The following MRC1 variants were observed in gnomAD, a reference collection of about 807,000 sequenced individuals.
The protein encoded by MRC1 is macrophage mannose receptor 1.
A neutral mutation model predicts 102.9 loss-of-function variants in MRC1; 62 were observed. The observed-to-expected ratio is 0.60, with a 90% CI of 0.49 to 0.74. MRC1 has a LOEUF of 0.74. Among genes scored for constraint, MRC1 ranks in the 30% least tolerant of loss-of-function variants. MRC1 has a pLI of 0.00. For missense variants in MRC1, 1,237 were observed against 862.8 expected (o/e 1.43, Z -5.43); for synonymous variants, 457 against 298.4 (o/e 1.53, Z -5.48).
intron 12 of MRC1, among the ~76,000 whole-genome samples, chr10:17,867,705 A>G (rs1752233150): frequency 6.6e-6 from 1 of 152,184 alleles, no homozygotes; most frequent in Non-Finnish European, 1.5e-5. Flanking sequence ...TATAGGCATG[A>G]GCCAGTGCAC....
chr10:17,894,540 C>T (rs1391165660), intron 23 of MRC1, among the ~76,000 whole-genome samples: 1 of 151,544 alleles, frequency 6.6e-6, no homozygotes, highest in Non-Finnish European at 1.5e-5. Context: ...GCTGGGATTA[C>T]AGGCACACAC....
intron 12 of MRC1, among the ~76,000 whole-genome samples, chr10:17,867,353 C>A: frequency 8.7e-6 from 1 of 114,388 alleles, no homozygotes; most frequent in South Asian, 3.0e-4. Context: ...TCCTCTTCTT[C>A]TTCTCCTTCT....
chr10:17,827,753 T>A, intron 3 of MRC1, 38 bp downstream of exon 3: 1 of 780,308 alleles, frequency 1.3e-6, no homozygotes, highest in South Asian at 1.3e-5. Flanking sequence ...TTGGGCACAT[T>A]TAGTCTGATA....
At chr10:17,832,745 G>A (rs994387712) in intron 3 of MRC1, among the ~76,000 whole-genome samples, 2 of 150,596 alleles carry the variant, frequency 1.3e-5, no homozygotes, top group African/African-American at 4.9e-5. Flanking sequence ...CCGCCACCAC[G>A]CCCGGCTAAT....
chr10:17,848,137 A>AT (rs1436416248), intron 6 of MRC1, among the ~76,000 whole-genome samples: 6 of 152,202 alleles, frequency 3.9e-5, no homozygotes, highest in African/African-American at 1.4e-4. Context: ...CGACCAATTC[A>AT]TCAAAGGAAT....
intron 1 of MRC1, among the ~76,000 whole-genome samples, chr10:17,814,495 C>T (rs1838275445): frequency 6.6e-6 from 1 of 151,840 alleles, no homozygotes; most frequent in Non-Finnish European, 1.5e-5. Context: ...CATTATTGTC[C>T]CCATTTTACA....
chr10:17,819,395 G>A (rs1022631403), intron 1 of MRC1, among the ~76,000 whole-genome samples: 2 of 151,970 alleles, frequency 1.3e-5, no homozygotes, highest in Non-Finnish European at 2.9e-5. Context: ...CTGGGATGGT[G>A]TAAATGGAGT....
intron 13 of MRC1, 33 bp downstream of exon 13, chr10:17,870,406 G>C (rs1833337892): frequency 5.1e-6 from 4 of 779,854 alleles, no homozygotes; most frequent in Non-Finnish European, 9.6e-6. Flanking sequence ...CCTCCTTTTT[G>C]TTATCTAGTT....
intron 8 of MRC1, among the ~76,000 whole-genome samples, chr10:17,855,949 G>C (rs970544427): frequency 0.04 from 6,082 of 151,856 alleles, 377 homozygotes; most frequent in African/African-American, 0.13. Flanking sequence ...TGGGTGGATC[G>C]CCTGAGGTCA....
intron 1 of MRC1, among the ~76,000 whole-genome samples, chr10:17,817,286 A>G (rs1838328322): frequency 1.3e-5 from 2 of 150,636 alleles, no homozygotes; most frequent in African/African-American, 2.4e-5. Context: ...ATCCACACCT[A>G]TGTTACTGGA....
At chr10:17,883,470 G>GTT (rs1214384820) in intron 21 of MRC1, among the ~76,000 whole-genome samples, 4 of 141,318 alleles carry the variant, frequency 2.8e-5, no homozygotes, top group Non-Finnish European at 3.1e-5. Flanking sequence ...CGGTGGAAGA[G>GTT]TTTTTTTTTT....
chr10:17,908,576 G>A (rs1589198433), intron 28 of MRC1, among the ~76,000 whole-genome samples: 2 of 151,770 alleles, frequency 1.3e-5, no homozygotes, highest in South Asian at 4.2e-4. Context: ...TTTTTGTTTT[G>A]TTTTTGTTTT....
chr10:17,818,145 A>G (rs1838340495), intron 1 of MRC1, among the ~76,000 whole-genome samples: 1 of 152,230 alleles, frequency 6.6e-6, no homozygotes. Context: ...AAGTATACAC[A>G]TTTCTAAATT....
Position 17,846,821 on chromosome 10 carries a change from C to T in MRC1, c.1063+1386C>T, listed in dbSNP as rs1589175536. On this transcript the variant is annotated intron_variant, in intron 6 of 29. Transcript: ENST00000569591. ...GAGACAGCACATATATTTTTTTGAC[C>T]GATCTCCTGTGTAATGGATTTTTAA... 7.9e-5 allele frequency among the ~76,000 whole-genome samples: 12 copies of T among 152,142 alleles called. 2 individuals are homozygous for T. The highest frequency in any genetic ancestry group is 4.4e-5 in the Non-Finnish European group (3 of 67,994).
chr10:17,903,188 C>T (rs1833851695), intron 26 of MRC1, among the ~76,000 whole-genome samples: 1 of 151,776 alleles, frequency 6.6e-6, no homozygotes, highest in African/African-American at 2.4e-5. Context: ...TTCACTCTGC[C>T]AGTCTATGTT....
In MRC1 at chr10:17,852,989, C is replaced by T. The variant is rs782384247; in HGVS notation, c.1272C>T (p.Ile424=). ...TAGAGCCAAATGACGAATTGTGGAT[C>T]GGCTTAAATGACATTAAGATTCAAA... The part of the protein sequence containing the change: ...LGYEPNDELW[I]GLNDIKIQMY... Residue 424 remains isoleucine (I), a synonymous_variant, in exon 8 of 30, where the codon ATC becomes ATT. Coordinates refer to ENST00000569591, the MANE Select transcript of MRC1 (RefSeq NM_002438.4). 7.0e-3 allele frequency: 5,489 copies of T among 780,790 alleles called. 33 individuals are homozygous for T. The highest frequency in any genetic ancestry group is 8.9e-3 in the Non-Finnish European group (3,739 of 417,950). The allele number at this position is 780,790 out of a possible 1,614,324, so 48.4% of individuals were successfully genotyped here.
At chr10:17,871,869 A>G in intron 14 of MRC1, 113 bp from the exon 15 acceptor site, 3 of 699,360 alleles carry the variant, frequency 4.3e-6, no homozygotes, top group Non-Finnish European at 7.8e-6. Context: ...TTGTGAAAAA[A>G]AAGTAAATTG....
At chr10:17,858,941 A>G (rs1003931272) in intron 9 of MRC1, among the ~76,000 whole-genome samples, 4,982 of 152,260 alleles carry the variant, frequency 0.033, 131 homozygotes, top group South Asian at 0.093. Context: ...CAACCTTCTC[A>G]TTCTATTGTC....
intron 1 of MRC1, among the ~76,000 whole-genome samples, chr10:17,819,274 G>A (rs1038991658): frequency 0.014 from 2,084 of 152,276 alleles, 44 homozygotes; most frequent in African/African-American, 0.048. Context: ...TTGGCATCAG[G>A]TGACAAGTCA....
Sources: allele counts gnomAD v4.1 joint callset (sites outside exome capture counted in the v4.1 genomes callset), GRCh38; gene constraint gnomAD v4.1.1; transcripts MANE v1.5; gene names NCBI Gene and HGNC (gene_info 2026-07-23, HGNC 2026-07-21).